RARS2: variants seen among roughly 807,000 people sequenced by gnomAD.
RARS2 encodes probable arginine--tRNA ligase, mitochondrial.
A neutral mutation model predicts 88.5 loss-of-function variants in RARS2; 67 were observed. The ratio of observed to expected loss-of-function variants is 0.76; its 90% CI spans 0.62 to 0.93. RARS2 has a LOEUF of 0.93. RARS2 is among the 40% of genes least tolerant of loss of function. RARS2 has a pLI of 0.00. For missense variants in RARS2, 664 were observed against 684.2 expected, an observed-to-expected ratio of 0.97 and a Z score of 0.33; for synonymous variants, 239 against 230.3, an observed-to-expected ratio of 1.04 and a Z score of -0.34.
At position 87,519,707 on chromosome 6, in the gene RARS2, C is replaced by G; in HGVS notation, c.1113G>C (p.Arg371Ser). The G allele has an allele frequency of 6.2e-7, 1 of 1,613,960 alleles. No homozygotes were observed. Among genetic ancestry groups the G allele is most frequent in the Non-Finnish European group, 8.5e-7 (1 of 1,179,884 alleles). ...LKIMGYDWAE[R>S]CQHVPFGVVQ... ...CTACTCCAAAGGGCACGTGCTGGCACCTAAAAGAGTGGGCATCTAGTTAAC... is the reference window on the plus strand; with the variant it reads ...CTACTCCAAAGGGCACGTGCTGGCAGCTAAAAGAGTGGGCATCTAGTTAAC... Residue 371 changes from arginine to serine, a missense_variant and splice_region_variant, in exon 14 of 20, where the codon AGG becomes AGC. By Grantham distance (110) the Arg-to-Ser change is moderately radical. Coordinates refer to ENST00000369536, the MANE Select transcript of RARS2 (RefSeq NM_020320.5).
At chr6:87,521,291 A>G (rs1206910714) in intron 12 of RARS2, among the ~76,000 whole-genome samples, 173 bp downstream of exon 12, 2 of 152,204 alleles carry the variant, frequency 1.3e-5, no homozygotes, top group African/African-American at 4.8e-5. Context: ...GAAGCAATGT[A>G]AACTTTTTCA....
chr6:87,584,476 A>G (rs1774528424), intron 1 of RARS2, among the ~76,000 whole-genome samples: 1 of 152,210 alleles, frequency 6.6e-6, no homozygotes, highest in Non-Finnish European at 1.5e-5. Context: ...TCCCATAAAT[A>G]GTAGTTATTA....
At chr6:87,546,471 A>G (rs1251885099) in intron 6 of RARS2, among the ~76,000 whole-genome samples, 1 of 152,124 alleles carries the variant, frequency 6.6e-6, no homozygotes, top group Non-Finnish European at 1.5e-5. Flanking sequence ...GATGGCCACC[A>G]AAGAAATTGA....
intron 1 of RARS2, among the ~76,000 whole-genome samples, chr6:87,589,527 A>C (rs2128237192): frequency 6.6e-6 from 1 of 152,278 alleles, no homozygotes; most frequent in East Asian, 1.9e-4. Context: ...AAGAGAAATA[A>C]GCAGCTTTAA....
intron 10 of RARS2, among the ~76,000 whole-genome samples, chr6:87,528,331 A>G (rs1776430014): frequency 6.6e-6 from 1 of 152,160 alleles, no homozygotes; most frequent in Non-Finnish European, 1.5e-5. Context: ...TGGTATAGCC[A>G]TTATGGAAAA....
chr6:87,561,000 A>G (rs972026818), intron 4 of RARS2, among the ~76,000 whole-genome samples: 4 of 152,254 alleles, frequency 2.6e-5, no homozygotes, highest in African/African-American at 7.2e-5. Flanking sequence ...TGTACAGTAC[A>G]TAATACTTCA....
At chr6:87,545,846 T>C (rs1782472855) in intron 6 of RARS2, 147 bp from the exon 7 acceptor site, 8 of 971,910 alleles carry the variant, frequency 8.2e-6, no homozygotes, top group Non-Finnish European at 7.4e-6. Context: ...ACATTCATCA[T>C]TGTGTTTTCA....
In RARS2 at chr6:87,548,487, T is replaced by C. The variant is rs543514254; in HGVS notation, c.451+104A>G. ...GGAGGCTCATATAAATTTAAACTTTTTGTTTTTTGCTATTTTGTTATTTAA... is the reference window on the plus strand; with the variant it reads ...GGAGGCTCATATAAATTTAAACTTTCTGTTTTTTGCTATTTTGTTATTTAA... On this transcript the variant is annotated intron_variant, in intron 6 of 19. Transcript: ENST00000369536. The C allele has an allele frequency of 4.1e-5, 47 of 1,155,474 alleles. No individual in the cohort carries two copies. In the South Asian group the frequency reaches 6.2e-4, roughly 15 times the overall value. 71.6% of individuals were successfully genotyped at this position (1,155,474 alleles called of 1,614,324 possible).
chr6:87,519,594 G>A lies in RARS2; in HGVS notation c.1226C>T (p.Ala409Val). 6.2e-7 allele frequency: 1 copy of A among 1,612,248 alleles called. No homozygotes were observed. Among genetic ancestry groups the A allele is most frequent in the Non-Finnish European group, 8.5e-7 (1 of 1,178,326 alleles). Residue 409 changes from alanine (A) to valine (V), a missense_variant, in exon 14 of 20, where the codon GCT becomes GTT. Physicochemically the swap from Ala to Val is moderately conservative, Grantham distance 64. Coordinates refer to ENST00000369536, the MANE Select transcript of RARS2 (RefSeq NM_020320.5). ...AAAACTGAATTCACTCTTAATTGAA[G>A]CCATGTTCTGTAGCATCCTTAATTG... ...EIQLRMLQNM[A>V]SIKTTKELKN...
chr6:87,571,584 T>C (rs1276129138), intron 1 of RARS2, among the ~76,000 whole-genome samples: 2 of 152,112 alleles, frequency 1.3e-5, no homozygotes, highest in East Asian at 1.9e-4. Context: ...GGCTGTAGAA[T>C]TGGGAAAAAG....
At chr6:87,570,677 C>A (rs1426601811) in intron 1 of RARS2, among the ~76,000 whole-genome samples, 1 of 152,144 alleles carries the variant, frequency 6.6e-6, no homozygotes, top group Non-Finnish European at 1.5e-5. Context: ...GCCTCAGACT[C>A]CCAAAATGTT....
intron 4 of RARS2, among the ~76,000 whole-genome samples, chr6:87,561,429 T>C (rs892628509): frequency 2.0e-5 from 3 of 152,180 alleles, no homozygotes; most frequent in Non-Finnish European, 4.4e-5. Context: ...TCTTTCCCTT[T>C]AAAAATCCAC....
intron 1 of RARS2, among the ~76,000 whole-genome samples, chr6:87,581,095 T>A (rs944224854): frequency 6.6e-6 from 1 of 152,180 alleles, no homozygotes; most frequent in Non-Finnish European, 1.5e-5. Flanking sequence ...CCGCTAGTAC[T>A]CAGATAACTG....
At chr6:87,574,963 T>G (rs1770928501) in intron 1 of RARS2, among the ~76,000 whole-genome samples, 1 of 151,850 alleles carries the variant, frequency 6.6e-6, no homozygotes, top group African/African-American at 2.4e-5. Flanking sequence ...TAATCCAACC[T>G]TAGGAAAATT....
In RARS2 at chr6:87,520,220, A is replaced by G. The variant is rs778229961; in HGVS notation, c.1072T>C (p.Phe358Leu). ...KGQKKHFQQV[F>L]QMLKIMGYDW... ...TATCCCATGATCTTCAGCATTTGGA[A>G]TACTTGCTGAAAATGCTTTTTTTGT... Residue 358 changes from phenylalanine (F) to leucine (L), a missense_variant, in exon 13 of 20, where the codon TTC becomes CTC. Physicochemically the swap from Phe to Leu is conservative, Grantham distance 22. Coordinates refer to ENST00000369536, the MANE Select transcript of RARS2 (RefSeq NM_020320.5). The G allele has an allele frequency of 6.2e-7, 1 of 1,613,338 alleles. No individual in the cohort carries two copies. Among genetic ancestry groups the G allele is most frequent in the Admixed American group, 1.7e-5 (1 of 60,002 alleles).
chr6:87,544,540 G>C (rs1392251003), intron 7 of RARS2, among the ~76,000 whole-genome samples: 7 of 152,190 alleles, frequency 4.6e-5, no homozygotes, highest in Admixed American at 4.6e-4. Flanking sequence ...GTGTGTCTTT[G>C]TGTCAGAGAA....
chr6:87,573,531 T>C (rs1770447482), intron 1 of RARS2, among the ~76,000 whole-genome samples: 1 of 152,154 alleles, frequency 6.6e-6, no homozygotes, highest in Non-Finnish European at 1.5e-5. Context: ...AGTTATTGTT[T>C]AATGGGTAGA....
intron 5 of RARS2, 43 bp from the exon 6 acceptor site, chr6:87,548,689 G>T: frequency 6.4e-7 from 1 of 1,562,756 alleles, no homozygotes; most frequent in South Asian, 1.1e-5. Context: ...TAAGACTTAA[G>T]ACTTCTAAGA....
chr6:87,518,574 G>T, intron 16 of RARS2, 56 bp downstream of exon 16: 1 of 1,516,794 alleles, frequency 6.6e-7, no homozygotes, highest in South Asian at 1.1e-5. Context: ...AGAATCACAG[G>T]ACCTAGCCTA....
Sources: gnomAD v4.1 joint callset for allele counts (sites outside exome capture counted in the v4.1 genomes callset) on GRCh38, gnomAD v4.1.1 for gene constraint, MANE v1.5 for transcripts, NCBI Gene and HGNC (gene_info 2026-07-23, HGNC 2026-07-21) for gene names.